The following COBLL1 variants were observed in gnomAD, a reference collection of about 807,000 sequenced individuals.
COBLL1 encodes the protein cordon-bleu WH2 repeat protein like 1.
A neutral mutation model predicts 94.8 loss-of-function variants in COBLL1; 50 were observed. The observed-to-expected ratio is 0.53, with a 90% confidence interval of 0.42 to 0.67. COBLL1 has a LOEUF of 0.67. Among genes scored for constraint, COBLL1 ranks in the 30% least tolerant of loss-of-function variants. The pLI is 0.00. For synonymous variants in COBLL1, 448 were observed against 473.8 expected, an observed-to-expected ratio of 0.95 and a Z score of 0.71; for missense variants, 1,362 against 1,348.7, an observed-to-expected ratio of 1.01 and a Z score of -0.15.
intron 7 of COBLL1, among the ~76,000 whole-genome samples, chr2:164,712,128 C>T (rs574580756): frequency 2.2e-4 from 34 of 152,068 alleles, no homozygotes; most frequent in African/African-American, 8.0e-4. Context: ...TAGAATCAAA[C>T]GGCATTCAAG....
intron 2 of COBLL1, among the ~76,000 whole-genome samples, chr2:164,799,371 A>T (rs1205258037): frequency 1.3e-5 from 2 of 152,228 alleles, no homozygotes; most frequent in Non-Finnish European, 2.9e-5. Context: ...TTAAGATCCC[A>T]AAACGAAAAT....
At chr2:164,816,454 A>T (rs1360036014) in intron 2 of COBLL1, among the ~76,000 whole-genome samples, 3 of 152,170 alleles carry the variant, frequency 2.0e-5, no homozygotes, top group Non-Finnish European at 2.9e-5. Flanking sequence ...ACTTTTGGGA[A>T]GAGAAGGAAA....
intron 2 of COBLL1, among the ~76,000 whole-genome samples, chr2:164,817,583 C>A (rs1021583950): frequency 6.6e-6 from 1 of 152,146 alleles, no homozygotes; most frequent in Non-Finnish European, 1.5e-5. Context: ...TAGAATATCT[C>A]TTCCTTGCCT....
At chr2:164,717,737 A>AT (rs1207272049) in intron 7 of COBLL1, among the ~76,000 whole-genome samples, 5 of 151,890 alleles carry the variant, frequency 3.3e-5, no homozygotes, top group Admixed American at 2.0e-4. Flanking sequence ...TTATTTTATT[A>AT]TTTTTTGTAG....
chr2:164,730,335 A>AT (rs553063478), intron 3 of COBLL1, among the ~76,000 whole-genome samples: 18 of 149,252 alleles, frequency 1.2e-4, no homozygotes, highest in South Asian at 2.1e-4. Context: ...ACAAAAAATA[A>AT]AAAAAAAAAA....
At chr2:164,817,104 T>A (rs1187041464) in intron 2 of COBLL1, among the ~76,000 whole-genome samples, 1 of 152,112 alleles carries the variant, frequency 6.6e-6, no homozygotes, top group Non-Finnish European at 1.5e-5. Context: ...CACTGTAGAA[T>A]CTGGAACATG....
At chr2:164,686,660 T>C (rs1291700546) in intron 13 of COBLL1, among the ~76,000 whole-genome samples, 1 of 152,160 alleles carries the variant, frequency 6.6e-6, no homozygotes, top group African/African-American at 2.4e-5. Flanking sequence ...AAGTCTTCTA[T>C]TCACAAACTA....
At chr2:164,714,587 G>A (rs955339262) in intron 7 of COBLL1, among the ~76,000 whole-genome samples, 2 of 152,014 alleles carry the variant, frequency 1.3e-5, no homozygotes, top group Non-Finnish European at 1.5e-5. Flanking sequence ...AAACAAACTG[G>A]GGCCAACTCA....
chr2:164,824,092 T>C (rs1470747897), intron 2 of COBLL1, among the ~76,000 whole-genome samples: 1 of 152,144 alleles, frequency 6.6e-6, no homozygotes, highest in Non-Finnish European at 1.5e-5. Context: ...CCTTATTAAA[T>C]AGTCTAGGGC....
At chr2:164,779,316 C>T (rs538483261) in intron 2 of COBLL1, among the ~76,000 whole-genome samples, 1 of 152,024 alleles carries the variant, frequency 6.6e-6, no homozygotes, top group Non-Finnish European at 1.5e-5. Flanking sequence ...ACCATCTTTG[C>T]CTGGGAAATT....
In COBLL1 at chr2:164,694,682, C is replaced by T; in HGVS notation, c.2710G>A (p.Ala904Thr). The T allele has an allele frequency of 6.2e-7, 1 of 1,613,772 alleles. No individual in the cohort carries two copies. The highest frequency in any genetic ancestry group is 8.5e-7 in the Non-Finnish European group (1 of 1,179,948). Residue 904 changes from alanine to threonine, a missense_variant, in exon 12 of 14, where the codon GCA becomes ACA. By Grantham distance (58) the Ala-to-Thr change is moderately conservative (BLOSUM62 0). Coordinates refer to ENST00000652658, the MANE Select transcript of COBLL1 (RefSeq NM_001365672.2). ...GGAGAAGGCAGCATATCCCTTTCTG[C>T]CTCTTTATTTGTCAGTTCTTTTGGA... ...PAPKELTNKE[A>T]ERDMLPSPEQ... is the part of the protein sequence containing the mutation.
chr2:164,778,385 T>G (rs1052731623), intron 2 of COBLL1, among the ~76,000 whole-genome samples: 1 of 152,150 alleles, frequency 6.6e-6, no homozygotes, highest in Non-Finnish European at 1.5e-5. Flanking sequence ...GGCAGGCAGA[T>G]CACTTGAGGT....
rs565403224 is a variant in COBLL1 at position 164,761,893 on chromosome 2, C to T, written c.42-18018G>A. 3.9e-5 allele frequency among the ~76,000 whole-genome samples: 6 copies of T among 152,258 alleles called. No individual in the cohort carries two copies. The South Asian group carries it at 1.2e-3, about 32-fold the overall frequency. ...AGGCAGCTCTATGCCAAGTACCTAC[C>T]AGGCCCTTTTCACCTTTTCTCAGCA... On this transcript the variant is annotated intron_variant, in intron 2 of 13. Transcript: ENST00000652658.
rs1317422504 is a variant in COBLL1, at chr2:164,730,198, AC to A, written c.231-84del. On this transcript the variant is annotated intron_variant, in intron 3 of 13. Coordinates refer to ENST00000652658, the MANE Select transcript of COBLL1 (RefSeq NM_001365672.2). The stretch of plus-strand genomic sequence containing the variant: ...TTGTCTTCAATAGATAAACAAGTCT[AC>A]AAGATAGTTTTTGGAAAAGCAGCTT... 1.3e-5 allele frequency: 16 copies of A among 1,205,688 alleles called. No homozygotes were observed. In the African/African-American group the frequency reaches 2.0e-4, roughly 15 times the overall value. 74.7% of individuals were successfully genotyped at this position (1,205,688 alleles called of 1,614,324 possible). A position where few individuals can be genotyped will look rare whatever the true frequency, so the allele number is the denominator to read the frequency against.
intron 2 of COBLL1, among the ~76,000 whole-genome samples, chr2:164,769,460 C>T (rs1476167351): frequency 2.0e-5 from 3 of 152,156 alleles, no homozygotes; most frequent in Non-Finnish European, 4.4e-5. Context: ...CTACCAAATA[C>T]ATCATTTTAT....
At chr2:164,783,965 C>G (rs1450371653) in intron 2 of COBLL1, among the ~76,000 whole-genome samples, 3 of 152,126 alleles carry the variant, frequency 2.0e-5, no homozygotes, top group South Asian at 2.1e-4. Context: ...TACCCTGTCT[C>G]AATCAATCAG....
At chr2:164,704,028 G>C (rs1432247140) in intron 9 of COBLL1, among the ~76,000 whole-genome samples, 1 of 152,146 alleles carries the variant, frequency 6.6e-6, no homozygotes, top group Admixed American at 6.5e-5. Context: ...AGGGTAACTT[G>C]TATGTTGAGT....
chr2:164,766,276 C>T (rs886887952), intron 2 of COBLL1, among the ~76,000 whole-genome samples: 2 of 152,102 alleles, frequency 1.3e-5, no homozygotes, highest in Non-Finnish European at 2.9e-5. Context: ...TTTGCATATA[C>T]CCTTTTTTGT....
chr2:164,725,073 T>C (rs1188436400), intron 5 of COBLL1: 1 of 146,014 alleles, frequency 6.8e-6, no homozygotes, highest in African/African-American at 2.5e-5. Flanking sequence ...CTTTTTCTCA[T>C]TGGAAGATGC....
Sources: gnomAD v4.1 joint callset for allele counts (sites outside exome capture counted in the v4.1 genomes callset) on GRCh38, gnomAD v4.1.1 for gene constraint, MANE v1.5 for transcripts, NCBI Gene and HGNC (gene_info 2026-07-23, HGNC 2026-07-21) for gene names.